ADGRF5: variants seen among roughly 807,000 people sequenced by gnomAD.
The protein encoded by ADGRF5 is adhesion G protein-coupled receptor F5.
ADGRF5 carries 75 observed loss-of-function variants against 132.3 expected under a neutral mutation model. The ratio of observed to expected loss-of-function variants is 0.57; its 90% CI spans 0.47 to 0.69. ADGRF5 has a LOEUF of 0.69. Among genes scored for constraint, ADGRF5 ranks in the 30% least tolerant of loss-of-function variants. The pLI is 0.00. For missense variants in ADGRF5, 1,516 were observed against 1,630.6 expected (o/e 0.93, Z 1.21); for synonymous variants, 629 against 597.6 (o/e 1.05, Z -0.77).
chr6:46,871,072 A>G lies in ADGRF5; in HGVS notation c.1411+771T>C, dbSNP rs114397619. Among the ~76,000 whole-genome samples the G allele has an allele frequency of 6.7e-3, 1,014 of 151,992 alleles. 6 individuals carry two copies. Among genetic ancestry groups the G allele is most frequent in the Non-Finnish European group, 0.011 (753 of 67,964 alleles). ...GATCTTTGTAAAAATGCTAAGTCAC[A>G]ATAGCAGAAAACATGAACGACAGTT... On this transcript the variant is annotated intron_variant, in intron 11 of 20. Transcript: ENST00000283296.
At chr6:46,905,901 C>T (rs533400177) in intron 2 of ADGRF5, among the ~76,000 whole-genome samples, 2 of 152,202 alleles carry the variant, frequency 1.3e-5, no homozygotes, top group South Asian at 4.2e-4. Context: ...ATTTAATTTT[C>T]ATAACAATAA....
At chr6:46,949,266 C>T (rs1778408163) in intron 1 of ADGRF5, among the ~76,000 whole-genome samples, 1 of 152,188 alleles carries the variant, frequency 6.6e-6, no homozygotes. Context: ...CAAAGGCATG[C>T]TGAGATGCTG....
At chr6:46,893,452 G>A (rs986604436) in intron 3 of ADGRF5, among the ~76,000 whole-genome samples, 1 of 152,126 alleles carries the variant, frequency 6.6e-6, no homozygotes, top group African/African-American at 2.4e-5. Context: ...GACCCACATA[G>A]CGGTGGGGTC....
At chr6:46,909,925 A>G (rs1332660718) in intron 1 of ADGRF5, among the ~76,000 whole-genome samples, 3 of 151,992 alleles carry the variant, frequency 2.0e-5, no homozygotes, top group African/African-American at 4.8e-5. Flanking sequence ...GCTTGAGTCC[A>G]TGAGCCCTGG....
rs138001801 is a variant in ADGRF5, at chr6:46,894,963, G to A, written c.157+5066C>T. ...GGAAGCCAAGGCGGGCAGATCATGA[G>A]GTCAGGAGATGGAGACCATCCTGGC... On this transcript the variant is annotated intron_variant, in intron 3 of 20. Coordinates refer to ENST00000283296, the MANE Select transcript of ADGRF5 (RefSeq NM_001098518.2). 3.2e-4 allele frequency among the ~76,000 whole-genome samples: 48 copies of A among 152,292 alleles called. No individual in the cohort carries two copies. In the East Asian group the frequency reaches 8.3e-3, roughly 26 times the overall value.
In ADGRF5 at chr6:46,865,124, T is replaced by G; in HGVS notation, c.1908A>C (p.Lys636Asn). 1.2e-6 allele frequency: 2 copies of G among 1,611,876 alleles called. No homozygotes were observed. Among genetic ancestry groups the G allele is most frequent in the East Asian group, 4.5e-5 (2 of 44,852 alleles). The change falls in exon 14 of 21, where the codon AAA (lysine) becomes AAC (asparagine). Residue 636 changes from lysine to asparagine, a missense_variant. Physicochemically the swap from Lys to Asn is moderately conservative, Grantham distance 94 (BLOSUM62 0). This residue lies in a region of ADGRF5 where 945 missense variants were observed against 929.4 expected (regional missense o/e 1.02). Transcript: ENST00000283296. ...TAAAGTGACAACACACATCAACAGT[T>G]TTTGAACACCAGGAAACTGAGCTTG... ...FNASSVSWCS[K>N]TVDVCCHFTN... is the part of the protein sequence containing the mutation.
chr6:46,856,124 T>G, intron 19 of ADGRF5, 66 bp from the exon 20 acceptor site: 1 of 896,282 alleles, frequency 1.1e-6, no homozygotes, highest in Non-Finnish European at 1.8e-6. Context: ...TTTCCATCTC[T>G]AGAAGGATTG....
At chr6:46,944,284 G>A (rs979154657) in intron 1 of ADGRF5, among the ~76,000 whole-genome samples, 3 of 152,122 alleles carry the variant, frequency 2.0e-5, no homozygotes, top group East Asian at 1.9e-4. Context: ...TTCAAGCTCC[G>A]GTGAGAATCG....
At chr6:46,880,888 T>C (rs1243601306) in intron 8 of ADGRF5, among the ~76,000 whole-genome samples, 1 of 151,730 alleles carries the variant, frequency 6.6e-6, no homozygotes, top group East Asian at 1.9e-4. Context: ...GCCAGGAGTA[T>C]GAGACCAGCC....
At chr6:46,940,933 C>G (rs1041141682) in intron 1 of ADGRF5, among the ~76,000 whole-genome samples, 3 of 152,196 alleles carry the variant, frequency 2.0e-5, no homozygotes, top group Non-Finnish European at 4.4e-5. Context: ...GCCTAAGAAT[C>G]ACTCAAATAG....
At chr6:46,934,728 C>G (rs1777732887) in intron 1 of ADGRF5, among the ~76,000 whole-genome samples, 1 of 152,124 alleles carries the variant, frequency 6.6e-6, no homozygotes, top group Admixed American at 6.6e-5. Flanking sequence ...AGTCCCAAAC[C>G]CTTAGAAACT....
At chr6:46,911,208 A>C (rs1775918565) in intron 1 of ADGRF5, among the ~76,000 whole-genome samples, 1 of 152,228 alleles carries the variant, frequency 6.6e-6, no homozygotes, top group Non-Finnish European at 1.5e-5. Context: ...AATAAAGGAA[A>C]TCACTTTCAC....
At chr6:46,940,047 T>G (rs1777990776) in intron 1 of ADGRF5, among the ~76,000 whole-genome samples, 2 of 152,176 alleles carry the variant, frequency 1.3e-5, no homozygotes, top group South Asian at 4.1e-4. Flanking sequence ...TATTTGTAGT[T>G]CTGTATCTGA....
intron 3 of ADGRF5, among the ~76,000 whole-genome samples, chr6:46,897,868 C>T (rs1011705209): frequency 6.6e-6 from 1 of 152,160 alleles, no homozygotes; most frequent in African/African-American, 2.4e-5. Context: ...AACTTACATT[C>T]TGGATATCTG....
At chr6:46,898,259 C>G (rs1158259900) in intron 3 of ADGRF5, among the ~76,000 whole-genome samples, 1 of 152,220 alleles carries the variant, frequency 6.6e-6, no homozygotes, top group Non-Finnish European at 1.5e-5. Flanking sequence ...AGGAAGCCAG[C>G]AGCCTGAGCC....
chr6:46,876,988 G>A (rs565339489), intron 10 of ADGRF5, among the ~76,000 whole-genome samples: 2 of 152,316 alleles, frequency 1.3e-5, no homozygotes, highest in South Asian at 4.1e-4. Flanking sequence ...TGTATTTCAT[G>A]GGTAAAGCCA....
chr6:46,861,789 G>A (rs561365063), intron 15 of ADGRF5, among the ~76,000 whole-genome samples: 4 of 152,202 alleles, frequency 2.6e-5, no homozygotes, highest in Non-Finnish European at 5.9e-5. Context: ...AGAGCAGCAT[G>A]ATCCTTTTCC....
chr6:46,929,559 C>T (rs1053132462), intron 1 of ADGRF5, among the ~76,000 whole-genome samples: 18 of 149,336 alleles, frequency 1.2e-4, no homozygotes, highest in South Asian at 6.4e-4. Context: ...AAAGATATCC[C>T]TTTCTCTTAC....
At chr6:46,946,238 G>A (rs1459156803) in intron 1 of ADGRF5, among the ~76,000 whole-genome samples, 2 of 152,206 alleles carry the variant, frequency 1.3e-5, no homozygotes, top group Non-Finnish European at 2.9e-5. Context: ...CAGAGAAGAA[G>A]GAGGGAGGCC....
Sources: allele counts gnomAD v4.1 joint callset (sites outside exome capture counted in the v4.1 genomes callset), GRCh38; gene constraint gnomAD v4.1.1; regional missense constraint gnomAD v4.1.1; transcripts MANE v1.5; gene names NCBI Gene and HGNC (gene_info 2026-07-23, HGNC 2026-07-21).